Variants in CDYL2 observed in about 807,000 individuals in gnomAD.
CDYL2 encodes chromodomain Y like 2, also known as chromodomain Y-like protein 2.
Under a neutral mutation model 49.4 loss-of-function variants are expected in CDYL2, and 23 were observed. The observed-to-expected ratio is 0.47, with a 90% CI of 0.34 to 0.66. The LOEUF is 0.66. Ranked by LOEUF, CDYL2 falls within the 30% of genes least tolerant of loss-of-function variation. CDYL2 has a pLI of 0.01. For missense variants in CDYL2, 678 were observed against 656.4 expected, an observed-to-expected ratio of 1.03 and a Z score of -0.36; for synonymous variants, 360 against 268.8, an observed-to-expected ratio of 1.34 and a Z score of -3.32.
chr16:80,659,466 C>T (rs1057437425), intron 2 of CDYL2, among the ~76,000 whole-genome samples: 5 of 151,968 alleles, frequency 3.3e-5, no homozygotes, highest in Admixed American at 3.3e-4. Context: ...TTCTTAACTA[C>T]ATTGTGTTTA....
intron 1 of CDYL2, among the ~76,000 whole-genome samples, chr16:80,734,770 A>G (rs925878876): frequency 6.6e-6 from 1 of 152,188 alleles, no homozygotes; most frequent in African/African-American, 2.4e-5. Flanking sequence ...TCACTGCCAC[A>G]TACTATTACA....
At chr16:80,768,856 G>A (rs1906814527) in intron 1 of CDYL2, among the ~76,000 whole-genome samples, 2 of 152,038 alleles carry the variant, frequency 1.3e-5, no homozygotes, top group Admixed American at 1.3e-4. Context: ...AGATGCTTTA[G>A]GATTAGAAGA....
chr16:80,719,492 C>A (rs1904926169), intron 1 of CDYL2, among the ~76,000 whole-genome samples: 1 of 152,194 alleles, frequency 6.6e-6, no homozygotes, highest in African/African-American at 2.4e-5. Flanking sequence ...AATAGGGGTT[C>A]ATTTTAACAA....
At chr16:80,653,955 G>A (rs568987906) in intron 2 of CDYL2, among the ~76,000 whole-genome samples, 7 of 152,184 alleles carry the variant, frequency 4.6e-5, no homozygotes, top group Non-Finnish European at 8.8e-5. Context: ...TCACTGTGGT[G>A]TCGAGTGTGA....
At chr16:80,649,090 T>A (rs372589589) in intron 2 of CDYL2, among the ~76,000 whole-genome samples, 30 of 152,170 alleles carry the variant, frequency 2.0e-4, no homozygotes, top group African/African-American at 7.2e-4. Flanking sequence ...ACAACAAGGA[T>A]ATCCACTTTC....
intron 1 of CDYL2, among the ~76,000 whole-genome samples, chr16:80,759,783 T>C (rs906425570): frequency 6.6e-6 from 1 of 152,176 alleles, no homozygotes; most frequent in Non-Finnish European, 1.5e-5. Context: ...CACAAACCAC[T>C]TCAAGCCTAA....
chr16:80,640,592 T>A (rs116635924), intron 2 of CDYL2, among the ~76,000 whole-genome samples: 452 of 152,084 alleles, frequency 3.0e-3, no homozygotes, highest in African/African-American at 0.011. Flanking sequence ...AAACATGACC[T>A]CACCAAATAA....
chr16:80,601,499 G>C lies in CDYL2; in HGVS notation c.*2889C>G, dbSNP rs950812497. ...AGGTACGGGAAAATGGTAGAGAGAG[G>C]GGAGAAAGGATCCCATAGACAGAGA... On this transcript the variant is annotated 3_prime_UTR_variant, in exon 7 of 7. Transcript: ENST00000570137. 1.3e-5 allele frequency: 2 copies of C among 152,154 alleles called. No individual in the cohort carries two copies. The highest frequency in any genetic ancestry group is 2.9e-5 in the Non-Finnish European group (2 of 68,050). 9.4% of individuals were successfully genotyped at this position (152,154 alleles called of 1,614,324 possible). A position where few individuals can be genotyped will look rare whatever the true frequency, so the allele number is the denominator to read the frequency against.
At chr16:80,732,293 T>C in intron 1 of CDYL2, among the ~76,000 whole-genome samples, 1 of 151,802 alleles carries the variant, frequency 6.6e-6, no homozygotes, top group East Asian at 1.9e-4. Context: ...CTGCACAGTT[T>C]TCTGTCTTAG....
intron 1 of CDYL2, among the ~76,000 whole-genome samples, chr16:80,737,152 T>C (rs1438976633): frequency 6.6e-6 from 1 of 152,168 alleles, no homozygotes. Flanking sequence ...AATCTATCCA[T>C]GCCCCCAGAC....
At chr16:80,741,182 A>G (rs1905722367) in intron 1 of CDYL2, among the ~76,000 whole-genome samples, 2 of 148,986 alleles carry the variant, frequency 1.3e-5, no homozygotes. Context: ...AACATGTACT[A>G]TATAAGATGT....
chr16:80,666,450 A>G (rs1909267344), intron 2 of CDYL2, among the ~76,000 whole-genome samples: 2 of 152,150 alleles, frequency 1.3e-5, no homozygotes, highest in Admixed American at 1.3e-4. Flanking sequence ...AATGAGATGC[A>G]CCCTGCTGAA....
chr16:80,749,406 C>T (rs934587175), intron 1 of CDYL2, among the ~76,000 whole-genome samples: 6 of 151,924 alleles, frequency 3.9e-5, no homozygotes, highest in African/African-American at 9.7e-5. Context: ...GAATATTTAC[C>T]GAAAAATTTT....
chr16:80,700,268 T>C (rs1268862589), intron 1 of CDYL2, among the ~76,000 whole-genome samples: 3 of 152,156 alleles, frequency 2.0e-5, no homozygotes, highest in Admixed American at 2.0e-4. Flanking sequence ...ACACAAAAAA[T>C]GCGTTTTAAG....
chr16:80,719,130 G>A (rs562591297), intron 1 of CDYL2, among the ~76,000 whole-genome samples: 1 of 152,204 alleles, frequency 6.6e-6, no homozygotes, highest in Non-Finnish European at 1.5e-5. Context: ...TACGTGCCTG[G>A]CCAATGCAAA....
rs553851171 is a variant in CDYL2, at chr16:80,602,396, G to A, written c.*1992C>T. 5.9e-5 allele frequency: 9 copies of A among 152,220 alleles called. 1 individual carries two copies. In the South Asian group the frequency reaches 1.2e-3, roughly 21 times the overall value. The allele number at this position is 152,220 out of a possible 1,614,324, so 9.4% of individuals were successfully genotyped here. A position where few individuals can be genotyped will look rare whatever the true frequency, so the allele number is the denominator to read the frequency against. ...CTGACCCTCATGAACTCTTAAAGGA[G>A]ACACGCTTTCCAGGGAGGGAACCAA... On this transcript the variant is annotated 3_prime_UTR_variant, in exon 7 of 7. Coordinates refer to ENST00000570137, the MANE Select transcript of CDYL2 (RefSeq NM_152342.4).
chr16:80,793,065 G>A (rs560067713), intron 1 of CDYL2, among the ~76,000 whole-genome samples: 1 of 152,282 alleles, frequency 6.6e-6, no homozygotes, highest in South Asian at 2.1e-4. Flanking sequence ...TTACAAGTGT[G>A]TCTCCCAACA....
intron 1 of CDYL2, among the ~76,000 whole-genome samples, chr16:80,701,661 G>A (rs920588069): frequency 6.6e-6 from 1 of 152,186 alleles, no homozygotes; most frequent in East Asian, 1.9e-4. Flanking sequence ...GAAATGAATG[G>A]AGCTGTATGT....
At chr16:80,647,818 T>A (rs1908417646) in intron 2 of CDYL2, among the ~76,000 whole-genome samples, 1 of 152,118 alleles carries the variant, frequency 6.6e-6, no homozygotes, top group South Asian at 2.1e-4. Flanking sequence ...AATGGAAATA[T>A]CAAGCATCTT....
Sources: allele counts gnomAD v4.1 joint callset (sites outside exome capture counted in the v4.1 genomes callset), GRCh38; gene constraint gnomAD v4.1.1; transcripts MANE v1.5; gene names NCBI Gene and HGNC (gene_info 2026-07-23, HGNC 2026-07-21).